GALK2: variants seen among roughly 807,000 people sequenced by gnomAD.
The protein encoded by GALK2 is galactokinase 2.
In GALK2, 36 loss-of-function variants were observed where a neutral mutation model predicts 52.4. The observed-to-expected ratio is 0.69, with a 90% CI of 0.53 to 0.91. The LOEUF is 0.91. Ranked by LOEUF, GALK2 falls within the 40% of genes least tolerant of loss-of-function variation. The pLI is 0.00. For missense variants in GALK2, 579 were observed against 559.1 expected, an observed-to-expected ratio of 1.04 and a Z score of -0.36; for synonymous variants, 176 against 199.1, an observed-to-expected ratio of 0.88 and a Z score of 0.98.
chr15:49,313,421 G>A (rs2036155061), intron 8 of GALK2, among the ~76,000 whole-genome samples: 2 of 152,194 alleles, frequency 1.3e-5, no homozygotes. Flanking sequence ...AACACACTCT[G>A]CCTGTTCCCA....
At chr15:49,228,688 T>TATATATATGTATA in intron 3 of GALK2, among the ~76,000 whole-genome samples, 2 of 10,442 alleles carry the variant, frequency 1.9e-4, no homozygotes, top group Non-Finnish European at 3.6e-4. Flanking sequence ...TATATATATA[T>TATATATATGTATA]TTTTTTTTTT....
In GALK2 at chr15:49,170,316, G is replaced by C; in HGVS notation, c.-7G>C. The C allele has an allele frequency of 6.3e-7, 1 of 1,582,268 alleles. No individual in the cohort carries two copies. Among genetic ancestry groups the C allele is most frequent in the Non-Finnish European group, 8.6e-7 (1 of 1,163,910 alleles). The stretch of plus-strand genomic sequence containing the variant: ...AAACTACAGGAGAAAGAAGGATCTA[G>C]CGAAATATGGCTACAGAGAGCCCTG... On this transcript the variant is annotated 5_prime_UTR_variant, in exon 1 of 10. Transcript: ENST00000560031.
At chr15:49,361,808 T>C (rs1046045569) in intron 3 of GALK2, among the ~76,000 whole-genome samples, 1 of 152,200 alleles carries the variant, frequency 6.6e-6, no homozygotes, top group African/African-American at 2.4e-5. Flanking sequence ...TTCAGTTCTT[T>C]GAGAAATTGC....
At chr15:49,181,253 A>G in intron 1 of GALK2, among the ~76,000 whole-genome samples, 1 of 151,518 alleles carries the variant, frequency 6.6e-6, no homozygotes. Context: ...ACAGGCATGC[A>G]TGTGCCATGG....
intron 2 of GALK2, among the ~76,000 whole-genome samples, chr15:49,214,429 C>T (rs1222412480): frequency 6.8e-6 from 1 of 147,986 alleles, no homozygotes; most frequent in Non-Finnish European, 1.5e-5. Context: ...CTCCCGGGTT[C>T]AAGCGATTCT....
intron 8 of GALK2, among the ~76,000 whole-genome samples, chr15:49,303,989 A>C (rs2035338280): frequency 6.6e-6 from 1 of 152,192 alleles, no homozygotes; most frequent in South Asian, 2.1e-4. Context: ...TTATCAAAGG[A>C]TCAGCTGTGA....
intron 3 of GALK2, chr15:49,365,094 T>C (rs895656735): frequency 1.3e-5 from 8 of 626,730 alleles, no homozygotes; most frequent in African/African-American, 3.7e-5. Flanking sequence ...AGAAAATCAA[T>C]GACACATTAT....
intron 5 of GALK2, among the ~76,000 whole-genome samples, chr15:49,257,960 A>G (rs2091886455): frequency 6.7e-6 from 1 of 149,754 alleles, no homozygotes; most frequent in Non-Finnish European, 1.5e-5. Context: ...TATAATTATA[A>G]TAAAATAACA....
intron 8 of GALK2, among the ~76,000 whole-genome samples, chr15:49,309,455 C>T (rs1386145299): frequency 6.6e-6 from 1 of 152,028 alleles, no homozygotes; most frequent in African/African-American, 2.4e-5. Flanking sequence ...TTTTAGTTAA[C>T]ATATGACAAT....
intron 3 of GALK2, among the ~76,000 whole-genome samples, chr15:49,233,542 C>A (rs1054092048): frequency 2.0e-5 from 3 of 152,092 alleles, no homozygotes; most frequent in Non-Finnish European, 4.4e-5. Context: ...GTTCATATTC[C>A]CCTCTCAAAA....
chr15:49,238,627 T>A (rs1041177445), intron 4 of GALK2, among the ~76,000 whole-genome samples: 1 of 152,176 alleles, frequency 6.6e-6, no homozygotes, highest in African/African-American at 2.4e-5. Context: ...CGTCTCCCTA[T>A]GTGTCATCTT....
At chr15:49,228,263 G>C (rs569694186) in intron 3 of GALK2, among the ~76,000 whole-genome samples, 1 of 152,142 alleles carries the variant, frequency 6.6e-6, no homozygotes, top group South Asian at 2.1e-4. Context: ...ATGTAAATCT[G>C]TTACTGGACT....
chr15:49,236,853 TA>T (rs1271402749), intron 4 of GALK2, among the ~76,000 whole-genome samples: 2 of 152,212 alleles, frequency 1.3e-5, no homozygotes, highest in Admixed American at 1.3e-4. Context: ...GCACATCCAT[TA>T]CAGAAATACA....
chr15:49,174,559 T>G (rs2085317448), intron 1 of GALK2, among the ~76,000 whole-genome samples: 2 of 152,174 alleles, frequency 1.3e-5, no homozygotes, highest in African/African-American at 2.4e-5. Flanking sequence ...TTGGCCGGGC[T>G]GGTTTCGAAC....
At chr15:49,288,594 A>G (rs941118987) in intron 7 of GALK2, among the ~76,000 whole-genome samples, 1 of 152,196 alleles carries the variant, frequency 6.6e-6, no homozygotes, top group Non-Finnish European at 1.5e-5. Context: ...AGCCAATTTC[A>G]CGCAGCCAGT....
At chr15:49,316,375 A>G (rs970739649) in intron 8 of GALK2, among the ~76,000 whole-genome samples, 3 of 152,020 alleles carry the variant, frequency 2.0e-5, no homozygotes, top group East Asian at 1.9e-4. Context: ...TTATTGGTTC[A>G]AACACCACAT....
At chr15:49,227,211 T>A (rs1226214309) in intron 3 of GALK2, among the ~76,000 whole-genome samples, 1 of 152,282 alleles carries the variant, frequency 6.6e-6, no homozygotes, top group Non-Finnish European at 1.5e-5. Flanking sequence ...CTCTGTAATG[T>A]TGAGAGTGGG....
chr15:49,164,346 A>C (rs971559200), intron 1 of GALK2, among the ~76,000 whole-genome samples: 1 of 48,812 alleles, frequency 2.0e-5, no homozygotes, highest in African/African-American at 8.5e-5. Flanking sequence ...AATGTATTCC[A>C]AAAAAAAAAA....
At chr15:49,358,835 C>G (rs984277965) in intron 3 of GALK2, among the ~76,000 whole-genome samples, 6 of 151,966 alleles carry the variant, frequency 3.9e-5, no homozygotes, top group East Asian at 3.9e-4. Flanking sequence ...TGACTTCAAA[C>G]TATACTACAA....
Sources: gnomAD v4.1 joint callset for allele counts (sites outside exome capture counted in the v4.1 genomes callset) on GRCh38, gnomAD v4.1.1 for gene constraint, MANE v1.5 for transcripts, NCBI Gene and HGNC (gene_info 2026-07-23, HGNC 2026-07-21) for gene names.